The following KIF14 variants were observed in gnomAD, a reference collection of about 807,000 sequenced individuals.
The protein encoded by KIF14 is kinesin family member 14.
A neutral mutation model predicts 176.2 loss-of-function variants in KIF14; 98 were observed. The observed-to-expected ratio is 0.56, with a 90% confidence interval of 0.47 to 0.66. KIF14 has a LOEUF of 0.66. Among genes scored for constraint, KIF14 ranks in the 30% least tolerant of loss-of-function variants. The probability of loss-of-function intolerance (pLI) is 0.00; values close to 1 mark genes in which losing one functional copy is unlikely to be tolerated. For synonymous variants in KIF14, 566 were observed against 632.2 expected, an observed-to-expected ratio of 0.90 and a Z score of 1.57; for missense variants, 1,751 against 1,920.4, an observed-to-expected ratio of 0.91 and a Z score of 1.65.
chr1:200,606,989 A>G (rs1659914735), intron 5 of KIF14, among the ~76,000 whole-genome samples, 191 bp from the exon 6 acceptor site: 2 of 151,478 alleles, frequency 1.3e-5, no homozygotes, highest in South Asian at 4.2e-4. Context: ...CAATATAAAA[A>G]ACTGTTCATA....
chr1:200,615,225 A>G, intron 3 of KIF14, 130 bp downstream of exon 3: 6 of 975,538 alleles, frequency 6.2e-6, no homozygotes, highest in Non-Finnish European at 9.1e-6. Context: ...GAACTGGTAT[A>G]TAAAATGGAT....
rs758193107 is a variant in KIF14 at position 200,602,022 on chromosome 1, C to T, written c.2026G>A (p.Ala676Thr). The T allele has an allele frequency of 1.2e-6, 2 of 1,613,708 alleles. No homozygotes were observed. Among genetic ancestry groups the T allele is most frequent in the Admixed American group, 3.3e-5 (2 of 59,972 alleles). ...TTGCTGGCAGCGGGACTAATCGTAG[C>T]AATCATTGCAGTTTTTGAATTTCCA... ...LGGNSKTAMIATISPAASNIE... is the reference protein window; with the variant it reads ...LGGNSKTAMITTISPAASNIE... Residue 676 changes from alanine to threonine, a missense_variant, in exon 11 of 30, where the codon GCT becomes ACT. Transcript: ENST00000367350.
At chr1:200,559,575 G>A in intron 26 of KIF14, 123 bp from the exon 27 acceptor site, 1 of 473,884 alleles carries the variant, frequency 2.1e-6, no homozygotes, top group South Asian at 6.1e-5. Context: ...GCTTACTTTA[G>A]GACTATAATA....
intron 19 of KIF14, among the ~76,000 whole-genome samples, chr1:200,584,054 C>T (rs1010444563): frequency 2.0e-5 from 3 of 151,732 alleles, no homozygotes; most frequent in Non-Finnish European, 4.4e-5. Flanking sequence ...CCATCCTGGC[C>T]AACATGGTGA....
At chr1:200,575,950 T>C (rs1014436433) in intron 21 of KIF14, among the ~76,000 whole-genome samples, 1 of 152,120 alleles carries the variant, frequency 6.6e-6, no homozygotes, top group Non-Finnish European at 1.5e-5. Flanking sequence ...ATGAGATTTA[T>C]AATAATAGTA....
intron 18 of KIF14, among the ~76,000 whole-genome samples, chr1:200,588,118 C>A (rs1332644948): frequency 1.3e-5 from 2 of 152,142 alleles, no homozygotes; most frequent in Non-Finnish European, 2.9e-5. Context: ...CAGTGGCTTG[C>A]AAACTTTAGT....
chr1:200,580,794 T>C (rs150234304), intron 20 of KIF14, among the ~76,000 whole-genome samples: 192 of 152,200 alleles, frequency 1.3e-3, no homozygotes, highest in African/African-American at 4.4e-3. Context: ...CTCTTTCCTA[T>C]AGCTGTAGAA....
chr1:200,560,965 T>A, intron 25 of KIF14, 85 bp from the exon 26 acceptor site: 2 of 1,265,222 alleles, frequency 1.6e-6, no homozygotes, highest in Non-Finnish European at 2.3e-6. Context: ...GCACAGCGGC[T>A]CACGCCTGTA....
intron 21 of KIF14, among the ~76,000 whole-genome samples, chr1:200,578,969 T>C (rs1032869935): frequency 3.9e-5 from 6 of 152,098 alleles, no homozygotes; most frequent in Non-Finnish European, 7.4e-5. Flanking sequence ...TGGGCACCTG[T>C]AGTCCCAGCT....
At chr1:200,569,115 G>C (rs1657636990) in intron 23 of KIF14, among the ~76,000 whole-genome samples, 1 of 151,894 alleles carries the variant, frequency 6.6e-6, no homozygotes, top group African/African-American at 2.4e-5. Flanking sequence ...AGTAGAGACA[G>C]GGTTTCTCCA....
chr1:200,559,880 G>C (rs1011714962), intron 26 of KIF14, among the ~76,000 whole-genome samples: 1 of 151,806 alleles, frequency 6.6e-6, no homozygotes, highest in African/African-American at 2.4e-5. Flanking sequence ...TCAGCCTCCT[G>C]AGTAGCTGGG....
At chr1:200,554,273 C>T (rs1163462528) in intron 29 of KIF14, among the ~76,000 whole-genome samples, 195 bp downstream of exon 29, 2 of 152,110 alleles carry the variant, frequency 1.3e-5, no homozygotes, top group Admixed American at 6.6e-5. Context: ...TGCCTGTAAT[C>T]CCAGCTACTT....
chr1:200,569,798 A>C, intron 23 of KIF14, 113 bp downstream of exon 23: 3 of 543,938 alleles, frequency 5.5e-6, no homozygotes, highest in Non-Finnish European at 9.6e-6. Flanking sequence ...TTACAGAGGA[A>C]TCAGAAGCTT....
chr1:200,620,685 C>A lies in KIF14; in HGVS notation c.-390G>T, dbSNP rs3806361. ...GCAGGGTCCGGCACCTTGGGGACCC[C>A]CTCGACACAGTCCCCACGCCACTCA... On this transcript the variant is annotated 5_prime_UTR_variant, in exon 1 of 30. Coordinates refer to ENST00000367350, the MANE Select transcript of KIF14 (RefSeq NM_014875.3). The A allele has an allele frequency of 0.31, 46,637 of 152,308 alleles. 8,396 individuals carry two copies. Among genetic ancestry groups the A allele is most frequent in the Non-Finnish European group, 0.42 (28,560 of 68,080 alleles). 9.4% of individuals were successfully genotyped at this position (152,308 alleles called of 1,614,324 possible).
chr1:200,606,602 T>C (rs758255659), intron 6 of KIF14, 144 bp downstream of exon 6: 3 of 721,608 alleles, frequency 4.2e-6, no homozygotes, highest in Admixed American at 2.1e-5. Context: ...TTGGACAATA[T>C]CAAGGGTAGA....
At chr1:200,576,618 T>A (rs563955109) in intron 21 of KIF14, among the ~76,000 whole-genome samples, 293 of 152,262 alleles carry the variant, frequency 1.9e-3, no homozygotes, top group African/African-American at 6.9e-3. Flanking sequence ...GCAATTCATA[T>A]TAATTGTAGA....
At chr1:200,586,786 C>CAT (rs1241334191) in intron 18 of KIF14, among the ~76,000 whole-genome samples, 35 of 85,264 alleles carry the variant, frequency 4.1e-4, no homozygotes, top group East Asian at 4.2e-4. Flanking sequence ...TATATATATA[C>CAT]ATACATATAT....
At chr1:200,578,257 T>C (rs191871206) in intron 21 of KIF14, among the ~76,000 whole-genome samples, 1 of 152,290 alleles carries the variant, frequency 6.6e-6, no homozygotes, top group African/African-American at 2.4e-5. Flanking sequence ...CTTTCATTGC[T>C]TTCCTTTGTT....
chr1:200,580,979 G>A (rs1007913624), intron 20 of KIF14, among the ~76,000 whole-genome samples: 12 of 151,746 alleles, frequency 7.9e-5, no homozygotes, highest in Non-Finnish European at 1.2e-4. Flanking sequence ...GTGTGGTGGC[G>A]CACACCACCC....
Sources: gnomAD v4.1 joint callset for allele counts (sites outside exome capture counted in the v4.1 genomes callset) on GRCh38, gnomAD v4.1.1 for gene constraint, MANE v1.5 for transcripts, NCBI Gene and HGNC (gene_info 2026-07-23, HGNC 2026-07-21) for gene names.